The following RBFOX1 variants were observed in gnomAD, a reference collection of about 807,000 sequenced individuals.
The protein encoded by RBFOX1 is RNA binding protein fox-1 homolog 1.
In RBFOX1, 8 loss-of-function variants were observed where a neutral mutation model predicts 57.7. The observed-to-expected ratio is 0.14, with a 90% CI of 0.08 to 0.25. The LOEUF (loss-of-function observed/expected upper bound fraction) is 0.25, where lower values mean the gene tolerates loss of function less well. RBFOX1 is among the 10% of genes least tolerant of loss of function. The probability of loss-of-function intolerance (pLI) is 1.00; values close to 1 mark genes in which losing one functional copy is unlikely to be tolerated. For synonymous variants in RBFOX1, 326 were observed against 222.4 expected (o/e 1.47, Z -4.15); for missense variants, 611 against 548.5 (o/e 1.11, Z -1.14).
At chr16:5,749,009 C>T (rs4609851) in intron 3 of RBFOX1, among the ~76,000 whole-genome samples, 1,545 of 152,214 alleles carry the variant, frequency 0.01, 60 homozygotes, top group East Asian at 0.081. Flanking sequence ...TGGCTGGTAT[C>T]GGTTGTTCTT....
chr16:7,291,797 C>A (rs1330906694), intron 4 of RBFOX1, among the ~76,000 whole-genome samples: 1 of 151,248 alleles, frequency 6.6e-6, no homozygotes, highest in Non-Finnish European at 1.5e-5. Flanking sequence ...TGCAAAGAGT[C>A]TGATGCAATG....
At chr16:7,270,979 C>G (rs185698017) in intron 4 of RBFOX1, among the ~76,000 whole-genome samples, 3 of 152,284 alleles carry the variant, frequency 2.0e-5, no homozygotes, top group African/African-American at 7.2e-5. Context: ...TTGGAAGACA[C>G]ACATGTGCAA....
chr16:6,498,020 G>A (rs1370224099), intron 2 of RBFOX1, among the ~76,000 whole-genome samples: 1 of 151,942 alleles, frequency 6.6e-6, no homozygotes, highest in Non-Finnish European at 1.5e-5. Flanking sequence ...AGGCTGAGGC[G>A]GGTGGATCGC....
intron 2 of RBFOX1, among the ~76,000 whole-genome samples, chr16:5,569,237 A>G (rs1192851007): frequency 1.3e-5 from 2 of 151,926 alleles, no homozygotes; most frequent in East Asian, 3.9e-4. Context: ...AATGTCTCCA[A>G]GGGACTGACC....
rs562018463 is a variant in RBFOX1 at position 7,204,890 on chromosome 16, G to T, written c.27+152792G>T. Among the ~76,000 whole-genome samples the T allele has an allele frequency of 3.3e-5, 5 of 152,138 alleles. No individual in the cohort carries two copies. The South Asian group carries it at 1.0e-3, about 32-fold the overall frequency. ...TGGTTTTCTGTTCTTGACTGTTTTG[G>T]ATATATTCATCTTTCTATGTCTCTT... On this transcript the variant is annotated intron_variant, in intron 4 of 15. Coordinates refer to ENST00000550418, the MANE Select transcript of RBFOX1 (RefSeq NM_018723.4).
chr16:7,662,500 C>G (rs894942227), intron 12 of RBFOX1, among the ~76,000 whole-genome samples: 1 of 152,124 alleles, frequency 6.6e-6, no homozygotes, highest in African/African-American at 2.4e-5. Context: ...AAATATGAAC[C>G]CTATTCACCC....
intron 2 of RBFOX1, among the ~76,000 whole-genome samples, chr16:5,519,303 G>T (rs558002651): frequency 4.5e-4 from 68 of 152,330 alleles, no homozygotes; most frequent in African/African-American, 1.5e-3. Flanking sequence ...TGTTTTTCAT[G>T]TCCTGGGGCA....
chr16:6,286,105 T>C lies in RBFOX1; in HGVS notation c.-126-30890T>C, dbSNP rs149325751. Among the ~76,000 whole-genome samples the C allele has an allele frequency of 5.8e-4, 89 of 152,174 alleles. 4 individuals are homozygous for C. Among genetic ancestry groups the C allele is most frequent in the African/African-American group, 2.1e-3 (88 of 41,538 alleles). On this transcript the variant is annotated intron_variant, in intron 1 of 15. Transcript: ENST00000550418. ...CGTATGGCCCTCTTTCCAGGAGAAATGCTGAAATATGTTTCAAAGCAACGC... is the reference window on the plus strand; with the variant it reads ...CGTATGGCCCTCTTTCCAGGAGAAACGCTGAAATATGTTTCAAAGCAACGC...
Position 6,460,231 on chromosome 16 carries a change from G to A in RBFOX1, c.-64+143174G>A, listed in dbSNP as rs1033415961. Among the ~76,000 whole-genome samples, 19 of 151,978 alleles carry A rather than the reference G, an allele frequency of 1.3e-4. No homozygotes were observed. The East Asian group carries it at 2.3e-3, about 19-fold the overall frequency. On this transcript the variant is annotated intron_variant, in intron 2 of 15. Transcript: ENST00000550418. Reference sequence around the variant, plus strand: ...TTGGTTCTCTCTCCTTGGCTTGTACGTGGCCATCTTTTCCCTGTGTTTTTC... The same window carrying A: ...TTGGTTCTCTCTCCTTGGCTTGTACATGGCCATCTTTTCCCTGTGTTTTTC...
chr16:6,760,824 C>G (rs7195924), intron 3 of RBFOX1, among the ~76,000 whole-genome samples: 52,100 of 152,046 alleles, frequency 0.34, 9,461 homozygotes, highest in Middle Eastern at 0.47. Context: ...AGAACCAACA[C>G]CAACAGTGTG....
At chr16:7,159,215 G>A (rs1305445431) in intron 4 of RBFOX1, among the ~76,000 whole-genome samples, 1 of 152,138 alleles carries the variant, frequency 6.6e-6, no homozygotes, top group Non-Finnish European at 1.5e-5. Context: ...TTAGATTGCT[G>A]AGTAGTATTC....
intron 4 of RBFOX1, among the ~76,000 whole-genome samples, chr16:7,368,571 G>T (rs1411750930): frequency 6.6e-6 from 1 of 151,916 alleles, no homozygotes; most frequent in South Asian, 2.1e-4. Context: ...GAGGTCAGGA[G>T]ATCAAGACCA....
intron 3 of RBFOX1, among the ~76,000 whole-genome samples, chr16:6,933,424 C>T (rs1023589403): frequency 6.6e-6 from 1 of 152,184 alleles, no homozygotes; most frequent in African/African-American, 2.4e-5. Flanking sequence ...GAAATAATGG[C>T]CATCCTGGCC....
chr16:6,324,758 C>T (rs1366404910), intron 2 of RBFOX1, among the ~76,000 whole-genome samples: 1 of 152,012 alleles, frequency 6.6e-6, no homozygotes, highest in African/African-American at 2.4e-5. Flanking sequence ...AACTAGGGCC[C>T]CATCTAACTT....
intron 3 of RBFOX1, among the ~76,000 whole-genome samples, chr16:6,875,876 G>C (rs140880238): frequency 6.6e-6 from 1 of 152,218 alleles, no homozygotes; most frequent in Non-Finnish European, 1.5e-5. Flanking sequence ...TCCATGCGTG[G>C]AATCCAGGCT....
intron 4 of RBFOX1, among the ~76,000 whole-genome samples, chr16:7,373,218 C>A (rs1431908555): frequency 6.6e-6 from 1 of 152,122 alleles, no homozygotes; most frequent in East Asian, 1.9e-4. Flanking sequence ...CAGGTGTGAG[C>A]CACCGCGTCT....
At chr16:6,234,848 G>C (rs1018643867) in intron 1 of RBFOX1, among the ~76,000 whole-genome samples, 1 of 152,082 alleles carries the variant, frequency 6.6e-6, no homozygotes, top group African/African-American at 2.4e-5. Context: ...CACACATGCA[G>C]TGAAATGTGA....
chr16:7,263,085 A>C (rs1755081694), intron 4 of RBFOX1, among the ~76,000 whole-genome samples: 1 of 152,212 alleles, frequency 6.6e-6, no homozygotes, highest in Admixed American at 6.5e-5. Flanking sequence ...ACAACCTCTG[A>C]ATAGCCCTTA....
At chr16:5,444,692 C>T (rs923357151) in intron 1 of RBFOX1, among the ~76,000 whole-genome samples, 3 of 152,038 alleles carry the variant, frequency 2.0e-5, no homozygotes, top group Non-Finnish European at 4.4e-5. Context: ...AAATATGGGG[C>T]TGGGTAAAGG....
Sources: allele counts gnomAD v4.1 joint callset (sites outside exome capture counted in the v4.1 genomes callset), GRCh38; gene constraint gnomAD v4.1.1; transcripts MANE v1.5; gene names NCBI Gene and HGNC (gene_info 2026-07-23, HGNC 2026-07-21).